Variants in PTPRD observed in about 807,000 individuals in gnomAD.
PTPRD encodes the protein protein tyrosine phosphatase receptor type D, also known as receptor-type tyrosine-protein phosphatase delta.
A neutral mutation model predicts 214.5 loss-of-function variants in PTPRD; 34 were observed. The observed-to-expected ratio is 0.16, with a 90% CI of 0.12 to 0.21. The LOEUF is 0.21. PTPRD is among the 10% of genes least tolerant of loss of function. The pLI is 1.00. For missense variants in PTPRD, 2,545 were observed against 2,398.7 expected, an observed-to-expected ratio of 1.06 and a Z score of -1.27; for synonymous variants, 1,128 against 845.7, an observed-to-expected ratio of 1.33 and a Z score of -5.79.
intron 11 of PTPRD, among the ~76,000 whole-genome samples, chr9:8,741,466 T>C (rs141036429): frequency 2.6e-5 from 4 of 151,224 alleles, no homozygotes; most frequent in African/African-American, 9.7e-5. Flanking sequence ...ACTGTACAAG[T>C]GAGAAACAGA....
chr9:8,634,641 T>C (rs1471661643), intron 13 of PTPRD, among the ~76,000 whole-genome samples: 9 of 152,074 alleles, frequency 5.9e-5, no homozygotes, highest in Admixed American at 3.9e-4. Context: ...AAATCTACTA[T>C]GCATCTTAGG....
At chr9:9,900,641 G>GGTTTTTTTTTTGTTTTTT (rs1555302231) in intron 5 of PTPRD, among the ~76,000 whole-genome samples, 2 of 120,086 alleles carry the variant, frequency 1.7e-5, no homozygotes, top group African/African-American at 3.1e-5. Context: ...ACATTTTCAG[G>GGTTTTTTTTTTGTTTTTT]TTTTTTTTTT....
intron 8 of PTPRD, among the ~76,000 whole-genome samples, chr9:9,448,941 AATGTTAGTTATTTGC>A (rs1466979496): frequency 6.6e-6 from 1 of 152,072 alleles, no homozygotes; most frequent in Non-Finnish European, 1.5e-5. Flanking sequence ...GTATCTAAAA[AATGTTAGTTATTTGC>A]ACAGATGTCT....
At chr9:8,824,038 T>C (rs7853143) in intron 11 of PTPRD, among the ~76,000 whole-genome samples, 70,805 of 151,992 alleles carry the variant, frequency 0.47, 17,050 homozygotes, top group African/African-American at 0.59. Flanking sequence ...GGTGGGAGTG[T>C]AGCAGTGAAG....
At chr9:9,446,830 G>C (rs1044127023) in intron 8 of PTPRD, among the ~76,000 whole-genome samples, 4 of 151,882 alleles carry the variant, frequency 2.6e-5, no homozygotes, top group African/African-American at 9.7e-5. Context: ...AAAAGGAAAA[G>C]AACCACATTA....
chr9:9,983,060 C>CA lies in PTPRD; in HGVS notation c.-471-44451dup, dbSNP rs59328972. Among the ~76,000 whole-genome samples, 217 of 147,550 alleles carry CA rather than the reference C, an allele frequency of 1.5e-3. 1 individual carries two copies. The highest frequency in any genetic ancestry group is 9.2e-3 in the South Asian group (43 of 4,674). ...AATCAAATACTTAAATATGTTATAC[C>CA]AAAAAAAAAAAAAAACTTTATTACT... On this transcript the variant is annotated intron_variant, in intron 4 of 45. Coordinates refer to ENST00000381196, the MANE Select transcript of PTPRD (RefSeq NM_002839.4).
intron 5 of PTPRD, among the ~76,000 whole-genome samples, chr9:9,877,369 G>T (rs1487799236): frequency 6.6e-6 from 1 of 152,094 alleles, no homozygotes; most frequent in African/African-American, 2.4e-5. Context: ...AAGATTTGAG[G>T]CAAAGACTTC....
At chr9:9,436,802 C>T (rs934810743) in intron 8 of PTPRD, among the ~76,000 whole-genome samples, 1 of 151,918 alleles carries the variant, frequency 6.6e-6, no homozygotes, top group South Asian at 2.1e-4. Context: ...AAATCTGTAC[C>T]GCAGAATTTT....
chr9:9,565,300 C>T lies in PTPRD; in HGVS notation c.-237+9432G>A, dbSNP rs557744544. Among the ~76,000 whole-genome samples the T allele has an allele frequency of 9.2e-5, 14 of 151,768 alleles. No homozygotes were observed. The East Asian group carries it at 1.4e-3, about 15-fold the overall frequency. ...GAATTTTCTGATCTGAAAAAATATG[C>T]GGTTTTTAAAATTAACATTTATAGA... On this transcript the variant is annotated intron_variant, in intron 8 of 45. Transcript: ENST00000381196.
At chr9:8,453,514 AAAAAAC>A (rs1432782569) in intron 33 of PTPRD, among the ~76,000 whole-genome samples, 2 of 152,216 alleles carry the variant, frequency 1.3e-5, no homozygotes, top group African/African-American at 2.4e-5. Context: ...CTTTTGGCTG[AAAAAAC>A]AAAAACAAAC....
At chr9:9,143,312 G>C (rs1267888178) in intron 10 of PTPRD, among the ~76,000 whole-genome samples, 1 of 152,136 alleles carries the variant, frequency 6.6e-6, no homozygotes, top group Middle Eastern at 3.2e-3. Flanking sequence ...TCACACAGCT[G>C]GTCAGTCAGT....
chr9:8,340,238 G>A (rs1851227854), intron 42 of PTPRD, 105 bp downstream of exon 42: 1 of 1,337,462 alleles, frequency 7.5e-7, no homozygotes, highest in African/African-American at 1.4e-5. Flanking sequence ...AGAGTGCACT[G>A]CATTTCAAAA....
At chr9:8,757,283 G>C (rs896828718) in intron 11 of PTPRD, among the ~76,000 whole-genome samples, 3 of 152,166 alleles carry the variant, frequency 2.0e-5, no homozygotes, top group African/African-American at 7.2e-5. Flanking sequence ...TATAGGGAAT[G>C]TGAACAATTA....
At chr9:9,242,661 G>A (rs372081660) in intron 9 of PTPRD, among the ~76,000 whole-genome samples, 69 of 152,204 alleles carry the variant, frequency 4.5e-4, no homozygotes, top group East Asian at 1.4e-3. Context: ...CATTCGTCAC[G>A]TAGTTCTTGT....
intron 3 of PTPRD, among the ~76,000 whole-genome samples, chr9:10,293,531 T>A (rs939564092): frequency 6.6e-6 from 1 of 151,958 alleles, no homozygotes; most frequent in Non-Finnish European, 1.5e-5. Context: ...AGAAAAACTT[T>A]ATTCACACTT....
At chr9:9,668,919 G>T (rs2154385065) in intron 7 of PTPRD, among the ~76,000 whole-genome samples, 1 of 152,216 alleles carries the variant, frequency 6.6e-6, no homozygotes, top group Admixed American at 6.5e-5. Context: ...AGTGTTGAAT[G>T]AAATTTTGAT....
chr9:10,418,346 C>G (rs1387868851), intron 2 of PTPRD, among the ~76,000 whole-genome samples: 1 of 151,324 alleles, frequency 6.6e-6, no homozygotes, highest in African/African-American at 2.4e-5. Context: ...TTAAGTATCC[C>G]TTTGCCCTTG....
chr9:9,745,581 CA>C (rs541585644), intron 6 of PTPRD, among the ~76,000 whole-genome samples: 8 of 151,502 alleles, frequency 5.3e-5, no homozygotes, highest in African/African-American at 1.2e-4. Context: ...TGCAATTCCT[CA>C]AAAAAAAATT....
At chr9:9,641,804 C>A (rs550170325) in intron 7 of PTPRD, among the ~76,000 whole-genome samples, 1 of 152,122 alleles carries the variant, frequency 6.6e-6, no homozygotes, top group African/African-American at 2.4e-5. Flanking sequence ...CTCCCCAAAC[C>A]ACCGTGATTT....
Sources: allele counts gnomAD v4.1 joint callset (sites outside exome capture counted in the v4.1 genomes callset), GRCh38; gene constraint gnomAD v4.1.1; transcripts MANE v1.5; gene names NCBI Gene and HGNC (gene_info 2026-07-23, HGNC 2026-07-21).